PPARGC1A: variants seen among roughly 807,000 people sequenced by gnomAD.
The protein encoded by PPARGC1A is peroxisome proliferator-activated receptor gamma coactivator 1-alpha.
Under a neutral mutation model 88.7 loss-of-function variants are expected in PPARGC1A, and 25 were observed. That is an observed-to-expected ratio of 0.28 (90% CI 0.21 to 0.39). PPARGC1A has a LOEUF of 0.39. PPARGC1A is among the 10% of genes least tolerant of loss of function. The probability of loss-of-function intolerance (pLI) is 1.00; values close to 1 mark genes in which losing one functional copy is unlikely to be tolerated. For synonymous variants in PPARGC1A, 363 were observed against 355.6 expected (o/e 1.02, Z -0.24); for missense variants, 880 against 968.7 (o/e 0.91, Z 1.22).
the PPARGC1A span, among the ~76,000 whole-genome samples, chr4:23,928,753 C>CAAAAAAA: frequency 2.2e-4 from 2 of 9,240 alleles, no homozygotes; most frequent in Non-Finnish European, 3.1e-4. Context: ...TATCCAGCCA[C>CAAAAAAA]AAAAAAACAA....
the PPARGC1A span, among the ~76,000 whole-genome samples, chr4:24,066,576 T>C: frequency 1.3e-5 from 2 of 152,170 alleles, no homozygotes; most frequent in Non-Finnish European, 2.9e-5. Context: ...GAGGACAGTT[T>C]GTATGTGGGG....
At chr4:24,138,686 T>G in the PPARGC1A span, among the ~76,000 whole-genome samples, 28 of 152,296 alleles carry the variant, frequency 1.8e-4, 1 homozygote, top group South Asian at 2.9e-3. Context: ...GAGAACTGTC[T>G]GTCTCTCCTT....
the PPARGC1A span, among the ~76,000 whole-genome samples, chr4:24,428,259 AG>A: frequency 3.9e-5 from 6 of 152,202 alleles, no homozygotes; most frequent in Non-Finnish European, 5.9e-5. Context: ...CCTGGTGTCT[AG>A]TGTATAGAAG....
chr4:24,031,919 C>A, the PPARGC1A span, among the ~76,000 whole-genome samples: 2 of 152,282 alleles, frequency 1.3e-5, no homozygotes, highest in African/African-American at 4.8e-5. Flanking sequence ...TATGAGGAAG[C>A]TGAAGCCCAG....
At chr4:23,950,484 A>G in the PPARGC1A span, among the ~76,000 whole-genome samples, 1 of 152,166 alleles carries the variant, frequency 6.6e-6, no homozygotes, top group Non-Finnish European at 1.5e-5. Context: ...CCTGATCATG[A>G]TGAAGCCTCT....
chr4:23,821,283 T>A (rs1722972983), intron 7 of PPARGC1A, among the ~76,000 whole-genome samples: 1 of 152,064 alleles, frequency 6.6e-6, no homozygotes, highest in South Asian at 2.1e-4. Context: ...TCCTCAACAA[T>A]GAAATGGGCA....
the PPARGC1A span, among the ~76,000 whole-genome samples, chr4:24,468,978 A>AT: frequency 0.58 from 88,340 of 151,530 alleles, 25,831 homozygotes; most frequent in South Asian, 0.6. Flanking sequence ...AAAAAGCTTG[A>AT]TTTTTTTTTA....
chr4:24,339,235 T>TCA, the PPARGC1A span, among the ~76,000 whole-genome samples: 1 of 110,162 alleles, frequency 9.1e-6, no homozygotes, highest in Non-Finnish European at 1.8e-5. Context: ...TATATATATA[T>TCA]ATACACACAC....
At chr4:24,099,455 C>T in the PPARGC1A span, among the ~76,000 whole-genome samples, 1 of 152,118 alleles carries the variant, frequency 6.6e-6, no homozygotes, top group Admixed American at 6.6e-5. Flanking sequence ...TTTTCCAGTT[C>T]AGCTTGGAGA....
the PPARGC1A span, among the ~76,000 whole-genome samples, chr4:24,186,887 G>A: frequency 6.6e-6 from 1 of 152,110 alleles, no homozygotes; most frequent in Non-Finnish European, 1.5e-5. Context: ...TGGAACCACT[G>A]AGGCTGCTTC....
the PPARGC1A span, among the ~76,000 whole-genome samples, chr4:24,116,116 C>T: frequency 2.0e-5 from 3 of 152,152 alleles, no homozygotes; most frequent in Non-Finnish European, 4.4e-5. Context: ...AGTCCACCCC[C>T]TTGCTTTCAT....
chr4:24,262,189 G>C, the PPARGC1A span, among the ~76,000 whole-genome samples: 1 of 151,744 alleles, frequency 6.6e-6, no homozygotes, highest in Middle Eastern at 3.4e-3. Flanking sequence ...TTCTGGGCCC[G>C]TGGTAATCCA....
At chr4:24,290,422 A>G in the PPARGC1A span, among the ~76,000 whole-genome samples, 1 of 152,150 alleles carries the variant, frequency 6.6e-6, no homozygotes, top group Non-Finnish European at 1.5e-5. Context: ...CTCAGTCTTA[A>G]GCCTTCTGCT....
At chr4:23,969,395 C>T in the PPARGC1A span, among the ~76,000 whole-genome samples, 1 of 152,274 alleles carries the variant, frequency 6.6e-6, no homozygotes, top group East Asian at 1.9e-4. Context: ...TTGGCCTTCC[C>T]AGCATCACTA....
At chr4:23,929,510 C>T in the PPARGC1A span, among the ~76,000 whole-genome samples, 1 of 152,212 alleles carries the variant, frequency 6.6e-6, no homozygotes, top group Non-Finnish European at 1.5e-5. Flanking sequence ...CCTCCCGAGG[C>T]TCTCCCACTC....
the PPARGC1A span, among the ~76,000 whole-genome samples, chr4:24,199,393 G>C: frequency 6.6e-6 from 1 of 152,062 alleles, no homozygotes; most frequent in Admixed American, 6.6e-5. Flanking sequence ...ATAATAATAC[G>C]TGATAAGTGC....
At chr4:24,254,017 T>TATC in the PPARGC1A span, among the ~76,000 whole-genome samples, 4 of 152,228 alleles carry the variant, frequency 2.6e-5, no homozygotes, top group African/African-American at 9.6e-5. Context: ...ATATTATTTT[T>TATC]ATCATCATCG....
chr4:24,337,415 A>G, the PPARGC1A span, among the ~76,000 whole-genome samples: 1 of 152,238 alleles, frequency 6.6e-6, no homozygotes, highest in Non-Finnish European at 1.5e-5. Context: ...ATAGAACATT[A>G]TCCCTAACTT....
chr4:24,060,240 G>A, the PPARGC1A span, among the ~76,000 whole-genome samples: 39,643 of 152,034 alleles, frequency 0.26, 5,845 homozygotes, highest in Middle Eastern at 0.38. Context: ...GAAAGTATTT[G>A]CTGGTTGTGT....
Sources: allele counts gnomAD v4.1 joint callset (sites outside exome capture counted in the v4.1 genomes callset), GRCh38; gene constraint gnomAD v4.1.1; transcripts MANE v1.5; gene names NCBI Gene and HGNC (gene_info 2026-07-23, HGNC 2026-07-21).